Variants in SGTB observed in about 807,000 individuals in gnomAD.
The protein encoded by SGTB is small glutamine-rich tetratricopeptide repeat-containing protein beta.
A neutral mutation model predicts 43.9 loss-of-function variants in SGTB; 19 were observed. The ratio of observed to expected loss-of-function variants is 0.43; its 90% CI spans 0.30 to 0.63. The LOEUF is 0.63. SGTB is among the 30% of genes least tolerant of loss of function. The pLI is 0.12. For missense variants in SGTB, 304 were observed against 358.9 expected, an observed-to-expected ratio of 0.85 and a Z score of 1.24; for synonymous variants, 116 against 117.3, an observed-to-expected ratio of 0.99 and a Z score of 0.07.
At chr5:65,700,845 A>C (rs1394480870) in intron 5 of SGTB, among the ~76,000 whole-genome samples, 1 of 151,388 alleles carries the variant, frequency 6.6e-6, no homozygotes, top group Non-Finnish European at 1.5e-5. Context: ...CCCCATCTCT[A>C]CTAAAAATAC....
intron 2 of SGTB, among the ~76,000 whole-genome samples, chr5:65,719,071 T>C (rs1329994492): frequency 6.6e-6 from 1 of 152,184 alleles, no homozygotes; most frequent in Non-Finnish European, 1.5e-5. Flanking sequence ...CTGATTGCAA[T>C]GTTCTCCAAC....
At chr5:65,695,877 CT>C (rs1300863025) in intron 5 of SGTB, among the ~76,000 whole-genome samples, 7 of 152,124 alleles carry the variant, frequency 4.6e-5, no homozygotes, top group Admixed American at 2.0e-4. Flanking sequence ...GGATAATATC[CT>C]TATTTTACAA....
At chr5:65,720,582 C>T in intron 2 of SGTB, 126 bp downstream of exon 2, 3 of 1,032,618 alleles carry the variant, frequency 2.9e-6, no homozygotes, top group Non-Finnish European at 4.1e-6. Context: ...TATAGTCAGG[C>T]CTCTCCTCTT....
intron 5 of SGTB, among the ~76,000 whole-genome samples, chr5:65,689,092 G>A (rs1757553552): frequency 6.6e-6 from 1 of 152,216 alleles, no homozygotes; most frequent in Non-Finnish European, 1.5e-5. Context: ...TTACAGGCGT[G>A]AGCCACCATG....
intron 8 of SGTB, among the ~76,000 whole-genome samples, chr5:65,674,756 A>C (rs1757232584): frequency 6.6e-6 from 1 of 152,162 alleles, no homozygotes; most frequent in African/African-American, 2.4e-5. Context: ...CTGAAACTAA[A>C]AGAATTCCAT....
intron 8 of SGTB, among the ~76,000 whole-genome samples, chr5:65,678,879 A>T (rs976811817): frequency 6.6e-6 from 1 of 152,238 alleles, no homozygotes; most frequent in Non-Finnish European, 1.5e-5. Flanking sequence ...GTGCAACTCA[A>T]AACTATAAGA....
At chr5:65,684,833 G>A (rs868809843) in intron 6 of SGTB, among the ~76,000 whole-genome samples, 3 of 152,158 alleles carry the variant, frequency 2.0e-5, no homozygotes, top group Middle Eastern at 3.2e-3. Context: ...GATTACAGGC[G>A]TGAGTCACCA....
intron 2 of SGTB, among the ~76,000 whole-genome samples, chr5:65,720,471 C>T (rs139063021): frequency 2.4e-4 from 36 of 152,276 alleles, no homozygotes; most frequent in African/African-American, 8.2e-4. Context: ...GAACAGCATA[C>T]TTCTGACATA....
intron 5 of SGTB, among the ~76,000 whole-genome samples, chr5:65,690,368 G>T (rs1757582495): frequency 6.6e-6 from 1 of 152,192 alleles, no homozygotes; most frequent in Non-Finnish European, 1.5e-5. Flanking sequence ...GAGCCCAGGA[G>T]GTCGAGGCTG....
At chr5:65,720,412 G>T (rs1388045162) in intron 2 of SGTB, among the ~76,000 whole-genome samples, 1 of 152,050 alleles carries the variant, frequency 6.6e-6, no homozygotes, top group African/African-American at 2.4e-5. Context: ...GTTAAATGGG[G>T]ATAATACTAA....
At chr5:65,720,334 G>A (rs577326096) in intron 2 of SGTB, among the ~76,000 whole-genome samples, 13 of 151,976 alleles carry the variant, frequency 8.6e-5, no homozygotes, top group African/African-American at 2.2e-4. Flanking sequence ...TACCTGCCTC[G>A]GCCTCCCAAA....
intron 5 of SGTB, among the ~76,000 whole-genome samples, chr5:65,688,569 C>T (rs7710011): frequency 0.043 from 6,610 of 152,192 alleles, 484 homozygotes; most frequent in African/African-American, 0.15. Context: ...AAATCTGTTC[C>T]TAAACACTTG....
chr5:65,689,519 A>G (rs1408259735), intron 5 of SGTB, among the ~76,000 whole-genome samples: 2 of 152,210 alleles, frequency 1.3e-5, no homozygotes, highest in African/African-American at 4.8e-5. Flanking sequence ...TTATAAACCA[A>G]TTATATTGGT....
intron 8 of SGTB, among the ~76,000 whole-genome samples, chr5:65,672,794 A>T (rs1435625453): frequency 6.6e-6 from 1 of 152,190 alleles, no homozygotes; most frequent in Non-Finnish European, 1.5e-5. Flanking sequence ...TGTCGACAAT[A>T]TTTATGTAAA....
chr5:65,688,029 C>A (rs1489729087), intron 5 of SGTB, among the ~76,000 whole-genome samples: 1 of 152,066 alleles, frequency 6.6e-6, no homozygotes, highest in Admixed American at 6.5e-5. Context: ...TCGGCCTCCC[C>A]AAGTGCTGGG....
At chr5:65,683,058 C>T (rs1010727117) in intron 6 of SGTB, among the ~76,000 whole-genome samples, 16 of 151,878 alleles carry the variant, frequency 1.1e-4, no homozygotes, top group Admixed American at 5.9e-4. Flanking sequence ...TCATAGCCAA[C>T]GGCACTAACT....
intron 5 of SGTB, 113 bp from the exon 6 acceptor site, chr5:65,685,585 C>G (rs1158170819): frequency 2.8e-6 from 2 of 726,996 alleles, no homozygotes; most frequent in East Asian, 5.3e-5. Flanking sequence ...ATCACTCCCA[C>G]TAAATTTCTA....
intron 5 of SGTB, 135 bp from the exon 6 acceptor site, chr5:65,685,607 C>A: frequency 1.6e-6 from 1 of 620,866 alleles, no homozygotes; most frequent in Non-Finnish European, 2.7e-6. Flanking sequence ...GTCAAACTGT[C>A]TAAGATAATT....
intron 5 of SGTB, among the ~76,000 whole-genome samples, chr5:65,693,370 A>G (rs1426012289): frequency 6.7e-6 from 1 of 148,384 alleles, no homozygotes; most frequent in African/African-American, 2.5e-5. Context: ...AGAAAAAGAA[A>G]GAAAGAGAAA....
Sources: gnomAD v4.1 joint callset for allele counts (sites outside exome capture counted in the v4.1 genomes callset) on GRCh38, gnomAD v4.1.1 for gene constraint, MANE v1.5 for transcripts, NCBI Gene and HGNC (gene_info 2026-07-23, HGNC 2026-07-21) for gene names.